Variants in ERC1 observed in about 807,000 individuals in gnomAD.
The protein encoded by ERC1 is RAB6 interacting protein 2.
In ERC1, 56 loss-of-function variants were observed where a neutral mutation model predicts 132.0. That is an observed-to-expected ratio of 0.42 (90% CI 0.34 to 0.53). The LOEUF (loss-of-function observed/expected upper bound fraction) is 0.53. ERC1 is among the 20% of genes least tolerant of loss of function. The pLI is 0.03. For missense variants in ERC1, 1,202 were observed against 1,349.9 expected, an observed-to-expected ratio of 0.89 and a Z score of 1.72; for synonymous variants, 478 against 476.1, an observed-to-expected ratio of 1.00 and a Z score of -0.05.
At chr12:1,126,328 A>G (rs1948156418) in intron 7 of ERC1, among the ~76,000 whole-genome samples, 1 of 151,694 alleles carries the variant, frequency 6.6e-6, no homozygotes, top group Non-Finnish European at 1.5e-5. Context: ...CAGATATGAA[A>G]AGAACAGGGA....
At chr12:1,321,394 G>A (rs2082109067) in intron 15 of ERC1, among the ~76,000 whole-genome samples, 1 of 152,130 alleles carries the variant, frequency 6.6e-6, no homozygotes, top group Admixed American at 6.5e-5. Flanking sequence ...TCTTGTAAAG[G>A]TAGCAATTGC....
intron 1 of ERC1, among the ~76,000 whole-genome samples, chr12:1,008,055 C>G (rs1964032188): frequency 6.6e-6 from 1 of 152,196 alleles, no homozygotes; most frequent in African/African-American, 2.4e-5. Context: ...CTCTCGTCTC[C>G]TAAGAACTTT....
chr12:1,401,603 C>T (rs2091069171), intron 16 of ERC1, among the ~76,000 whole-genome samples: 1 of 151,954 alleles, frequency 6.6e-6, no homozygotes, highest in African/African-American at 2.4e-5. Flanking sequence ...CTCTCTGTAC[C>T]TCAATAAAAT....
At chr12:1,001,273 G>T (rs548615920) in intron 1 of ERC1, among the ~76,000 whole-genome samples, 1 of 152,266 alleles carries the variant, frequency 6.6e-6, no homozygotes, top group Admixed American at 6.5e-5. Flanking sequence ...GTCTAGGCTG[G>T]CATCGAATTC....
At chr12:1,452,684 T>C (rs2093450255) in intron 18 of ERC1, among the ~76,000 whole-genome samples, 1 of 152,256 alleles carries the variant, frequency 6.6e-6, no homozygotes, top group African/African-American at 2.4e-5. Context: ...TAATTTATAT[T>C]GATCTATACT....
intron 3 of ERC1, among the ~76,000 whole-genome samples, chr12:1,104,146 A>T (rs556560811): frequency 1.3e-5 from 2 of 150,748 alleles, no homozygotes; most frequent in South Asian, 4.2e-4. Flanking sequence ...AAAAAAAGCT[A>T]TGTTTTTCTG....
chr12:1,200,342 T>C (rs1594170948), intron 12 of ERC1, among the ~76,000 whole-genome samples: 1 of 152,186 alleles, frequency 6.6e-6, no homozygotes, highest in African/African-American at 2.4e-5. Flanking sequence ...TATTTGTTTG[T>C]GGGAATCTGA....
intron 1 of ERC1, among the ~76,000 whole-genome samples, chr12:1,004,493 G>A (rs1488137599): frequency 3.1e-5 from 4 of 127,740 alleles, no homozygotes; most frequent in African/African-American, 1.2e-4. Context: ...TGCAACCTCC[G>A]CCTCCTGGGT....
intron 15 of ERC1, among the ~76,000 whole-genome samples, chr12:1,315,930 C>T (rs939715190): frequency 9.9e-5 from 15 of 151,508 alleles, no homozygotes; most frequent in Non-Finnish European, 2.1e-4. Flanking sequence ...CTCACTCTGT[C>T]GCCCAGGCTG....
chr12:1,093,528 A>G (rs1055811156), intron 3 of ERC1, among the ~76,000 whole-genome samples: 1 of 152,142 alleles, frequency 6.6e-6, no homozygotes. Context: ...CATACCAAAC[A>G]TTGTCTATAG....
chr12:1,402,821 G>C (rs2091189690), intron 16 of ERC1, among the ~76,000 whole-genome samples: 1 of 152,118 alleles, frequency 6.6e-6, no homozygotes, highest in Admixed American at 6.5e-5. Flanking sequence ...AATTTTAACA[G>C]TGACTTAATC....
At chr12:1,308,845 C>G (rs943027574) in intron 15 of ERC1, among the ~76,000 whole-genome samples, 1 of 152,110 alleles carries the variant, frequency 6.6e-6, no homozygotes, top group Non-Finnish European at 1.5e-5. Context: ...TTATGTCCCC[C>G]CAAAATTCAT....
At chr12:1,170,353 G>A (rs1952923180) in intron 8 of ERC1, among the ~76,000 whole-genome samples, 2 of 151,966 alleles carry the variant, frequency 1.3e-5, no homozygotes, top group Admixed American at 6.6e-5. Flanking sequence ...AAAAAATTAA[G>A]CCTCTTGTGC....
chr12:1,099,683 A>T (rs770756152), intron 3 of ERC1, among the ~76,000 whole-genome samples: 3 of 152,178 alleles, frequency 2.0e-5, no homozygotes, highest in Non-Finnish European at 4.4e-5. Context: ...AATAAAAAAG[A>T]AAAATTCCTG....
At chr12:1,380,530 G>C (rs1477008752) in intron 16 of ERC1, 1 of 152,268 alleles carries the variant, frequency 6.6e-6, no homozygotes. Context: ...AGCCCTCTCT[G>C]TCTTAGCTAA....
rs892495740 is a variant in ERC1 at position 1,169,886 on chromosome 12, G to A, written c.1738-10654G>A. On this transcript the variant is annotated intron_variant, in intron 8 of 18. Coordinates refer to ENST00000360905, the MANE Select transcript of ERC1 (RefSeq NM_178040.4). ...CATTATGAACTTGTGAAAGGTGTGGGTTAAATAATACAGTTGCTTACATGC... is the reference window on the plus strand; with the variant it reads ...CATTATGAACTTGTGAAAGGTGTGGATTAAATAATACAGTTGCTTACATGC... 6.2e-4 allele frequency among the ~76,000 whole-genome samples: 94 copies of A among 152,232 alleles called. 2 individuals are homozygous for A. The highest frequency in any genetic ancestry group is 3.4e-3 in the Middle Eastern group (1 of 294).
intron 3 of ERC1, among the ~76,000 whole-genome samples, chr12:1,099,770 A>T (rs1944441772): frequency 6.8e-6 from 1 of 147,928 alleles, no homozygotes; most frequent in South Asian, 2.2e-4. Context: ...GAGATTGGGG[A>T]TGTATATTAG....
At chr12:1,478,162 C>T (rs2094010619) in intron 18 of ERC1, among the ~76,000 whole-genome samples, 1 of 152,186 alleles carries the variant, frequency 6.6e-6, no homozygotes, top group South Asian at 2.1e-4. Flanking sequence ...TTTACACTCC[C>T]ACCGGGAGTG....
chr12:1,490,478 A>G lies in ERC1; in HGVS notation c.*248A>G. The G allele has an allele frequency of 4.5e-6, 2 of 447,420 alleles. No homozygotes were observed. Among genetic ancestry groups the G allele is most frequent in the Non-Finnish European group, 8.1e-6 (2 of 246,438 alleles). The allele number at this position is 447,420 out of a possible 1,614,324, so 27.7% of individuals were successfully genotyped here. On this transcript the variant is annotated 3_prime_UTR_variant, in exon 19 of 19. Transcript: ENST00000360905. ...TAGATAAAGGGTCGAATCTCTCTGA[A>G]GAACTGCCACCTGGTCATCAGCAGT...
Sources: gnomAD v4.1 joint callset for allele counts (sites outside exome capture counted in the v4.1 genomes callset) on GRCh38, gnomAD v4.1.1 for gene constraint, MANE v1.5 for transcripts, NCBI Gene and HGNC (gene_info 2026-07-23, HGNC 2026-07-21) for gene names.